The following TSHR variants were observed in gnomAD, a reference collection of about 807,000 sequenced individuals.
TSHR encodes the protein thyrotropin receptor.
In TSHR, 51 loss-of-function variants were observed where a neutral mutation model predicts 64.1. The observed-to-expected ratio is 0.80, with a 90% CI of 0.64 to 1.01. The LOEUF (loss-of-function observed/expected upper bound fraction) is 1.01, where lower values mean the gene tolerates loss of function less well. Ranked by LOEUF, TSHR falls within the 50% of genes least tolerant of loss-of-function variation. TSHR has a pLI of 0.00. For synonymous variants in TSHR, 361 were observed against 361.9 expected (o/e 1.00, Z 0.03); for missense variants, 877 against 942.8 (o/e 0.93, Z 0.91).
At chr14:81,115,395 G>A (rs1314095206) in intron 8 of TSHR, among the ~76,000 whole-genome samples, 1 of 144,574 alleles carries the variant, frequency 6.9e-6, no homozygotes, top group African/African-American at 2.7e-5. Flanking sequence ...AGAAGCCTCA[G>A]GAGCCGATGT....
At chr14:81,090,949 G>A (rs1364433439) in intron 4 of TSHR, 120 bp from the exon 5 acceptor site, 5 of 818,196 alleles carry the variant, frequency 6.1e-6, no homozygotes, top group African/African-American at 3.4e-5. Flanking sequence ...GGTGTTGGGA[G>A]TTTGACTACA....
At chr14:81,083,835 C>A (rs917744663) in intron 3 of TSHR, among the ~76,000 whole-genome samples, 2 of 152,112 alleles carry the variant, frequency 1.3e-5, no homozygotes, top group African/African-American at 4.8e-5. Flanking sequence ...AGGAAACTTA[C>A]AATAATGACA....
At chr14:81,111,968 T>C (rs78302885) in intron 8 of TSHR, among the ~76,000 whole-genome samples, 4,744 of 152,310 alleles carry the variant, frequency 0.031, 145 homozygotes, top group African/African-American at 0.078. Context: ...TCAATTAAAC[T>C]ACCTGCTTGT....
At chr14:80,999,317 A>C (rs182938218) in intron 1 of TSHR, among the ~76,000 whole-genome samples, 80 of 152,312 alleles carry the variant, frequency 5.3e-4, no homozygotes, top group African/African-American at 1.8e-3. Context: ...CCAAATCAGA[A>C]GTAATCATTT....
Position 81,028,832 on chromosome 14 carries a change from AT to A in TSHR, c.171-33312del, listed in dbSNP as rs1482896974. ...AGATTCAGAATATGAATAATCAGAC[AT>A]TTTACAATTTTTAATAGAGAAAATT... On this transcript the variant is annotated intron_variant, in intron 1 of 9. Coordinates refer to ENST00000298171, the MANE Select transcript of TSHR (RefSeq NM_000369.5). 3.3e-5 allele frequency among the ~76,000 whole-genome samples: 5 copies of A among 152,206 alleles called. No individual in the cohort carries two copies. The East Asian group carries it at 9.6e-4, about 29-fold the overall frequency.
chr14:80,979,491 T>A (rs1003150), intron 1 of TSHR, among the ~76,000 whole-genome samples: 129,441 of 152,136 alleles, frequency 0.85, 55,858 homozygotes, highest in East Asian at 1. Context: ...AATGTATTGT[T>A]TATTTCCAAA....
intron 1 of TSHR, among the ~76,000 whole-genome samples, chr14:80,977,956 GTCAGTTGCTGTCAA>G (rs1192509007): frequency 6.9e-4 from 105 of 152,214 alleles, no homozygotes; most frequent in African/African-American, 2.3e-3. Context: ...TCAATTGCTT[GTCAGTTGCTGTCAA>G]CTTTATCTCA....
intron 1 of TSHR, among the ~76,000 whole-genome samples, chr14:81,059,860 T>C (rs1374813683): frequency 1.3e-5 from 2 of 152,100 alleles, no homozygotes; most frequent in African/African-American, 2.4e-5. Flanking sequence ...ACTAACTCAA[T>C]AGTGGGAAAA....
At chr14:81,094,658 TTTTA>T (rs1341367960) in intron 6 of TSHR, among the ~76,000 whole-genome samples, 2 of 148,280 alleles carry the variant, frequency 1.3e-5, no homozygotes, top group African/African-American at 2.5e-5. Flanking sequence ...AGAATTCTCC[TTTTA>T]TTTATTTATT....
At chr14:80,972,748 G>A (rs532016774) in intron 1 of TSHR, among the ~76,000 whole-genome samples, 7 of 152,234 alleles carry the variant, frequency 4.6e-5, no homozygotes, top group South Asian at 4.2e-4. Context: ...AGCTCGTGCC[G>A]ATTAAGCAGT....
Position 81,104,772 on chromosome 14 carries a change from T to C in TSHR, c.615-3603T>C, listed in dbSNP as rs73338235. ...ACTGTGAACTATTCACAATCTTAAA[T>C]CAGGGCAGGGCTTCTTAACTCCATG... is the stretch of plus-strand genomic sequence containing the variant. On this transcript the variant is annotated intron_variant, in intron 7 of 9. Transcript: ENST00000298171. The C allele has an allele frequency of 1.4e-3, 1,355 of 985,416 alleles. 17 individuals carry two copies. The African/African-American group carries it at 0.021, about 15-fold the overall frequency. The allele number at this position is 985,416 out of a possible 1,614,324, so 61.0% of individuals were successfully genotyped here.
chr14:80,983,161 T>C (rs1406696023), intron 1 of TSHR: 1 of 968,936 alleles, frequency 1.0e-6, no homozygotes, highest in Non-Finnish European at 1.5e-6. Flanking sequence ...GTAATTACTC[T>C]GAATCCTCCT....
chr14:81,010,739 C>T (rs754515433), intron 1 of TSHR, among the ~76,000 whole-genome samples: 4 of 152,040 alleles, frequency 2.6e-5, no homozygotes, highest in Non-Finnish European at 4.4e-5. Flanking sequence ...GTCTTCTTAA[C>T]CTTAAAGACA....
chr14:81,024,193 T>C (rs1327540260), intron 1 of TSHR, among the ~76,000 whole-genome samples: 1 of 152,160 alleles, frequency 6.6e-6, no homozygotes, highest in Non-Finnish European at 1.5e-5. Flanking sequence ...TAAGTTGTTA[T>C]ATGACTTCAC....
At chr14:81,029,392 A>T (rs963434260) in intron 1 of TSHR, among the ~76,000 whole-genome samples, 4 of 152,170 alleles carry the variant, frequency 2.6e-5, no homozygotes, top group African/African-American at 9.7e-5. Flanking sequence ...AGTTTAGATC[A>T]TATAGCATGA....
chr14:81,051,690 G>C (rs1002413792), intron 1 of TSHR: 2 of 151,936 alleles, frequency 1.3e-5, no homozygotes, highest in African/African-American at 4.8e-5. Context: ...CTACATCCTT[G>C]CCAACACTAG....
In TSHR at chr14:81,139,642, A is replaced by ACTGCCTCT. The variant is rs757801154; in HGVS notation, c.693-32_693-25dup. 17 of 1,611,496 alleles carry ACTGCCTCT rather than the reference A, an allele frequency of 1.1e-5. 1 individual carries two copies. The South Asian group carries it at 1.9e-4, about 18-fold the overall frequency. The stretch of plus-strand genomic sequence containing the variant: ...AAGGCTGAGAAGGCCCTGGCTGCTC[A>ACTGCCTCT]CTGCCTCTCTGCATTTTTCTGTTCT... On this transcript the variant is annotated intron_variant, in intron 8 of 9. Coordinates refer to ENST00000298171, the MANE Select transcript of TSHR (RefSeq NM_000369.5).
intron 1 of TSHR, chr14:81,052,037 A>AT (rs1885464028): frequency 6.6e-6 from 1 of 152,024 alleles, no homozygotes; most frequent in African/African-American, 2.4e-5. Context: ...CATGCAAAAG[A>AT]TTTTTTAGTT....
At chr14:81,087,175 C>G (rs928351056) in intron 3 of TSHR, among the ~76,000 whole-genome samples, 1 of 152,208 alleles carries the variant, frequency 6.6e-6, no homozygotes, top group African/African-American at 2.4e-5. Context: ...GGTGCCACTC[C>G]TAAGGAGAAA....
Sources: allele counts gnomAD v4.1 joint callset (sites outside exome capture counted in the v4.1 genomes callset), GRCh38; gene constraint gnomAD v4.1.1; transcripts MANE v1.5; gene names NCBI Gene and HGNC (gene_info 2026-07-23, HGNC 2026-07-21).